Variants in RIMS2 observed in about 807,000 individuals in gnomAD.
RIMS2 encodes regulating synaptic membrane exocytosis 2, also known as regulating synaptic membrane exocytosis protein 2.
In RIMS2, 59 loss-of-function variants were observed where a neutral mutation model predicts 174.4. The ratio of observed to expected loss-of-function variants is 0.34; its 90% CI spans 0.27 to 0.42. The LOEUF is 0.42. RIMS2 is among the 10% of genes least tolerant of loss of function. RIMS2 has a pLI of 1.00. For synonymous variants in RIMS2, 606 were observed against 572.5 expected (o/e 1.06, Z -0.84); for missense variants, 1,620 against 1,666.3 (o/e 0.97, Z 0.48).
At chr8:103,885,036 G>T (rs2099191375) in intron 3 of RIMS2, among the ~76,000 whole-genome samples, 1 of 152,022 alleles carries the variant, frequency 6.6e-6, no homozygotes, top group Admixed American at 6.6e-5. Flanking sequence ...GTTTATAGCA[G>T]TGGAATATCA....
chr8:103,947,810 T>C (rs183595506), intron 14 of RIMS2, among the ~76,000 whole-genome samples: 47 of 152,290 alleles, frequency 3.1e-4, no homozygotes, highest in African/African-American at 1.0e-3. Flanking sequence ...TACTGTGACA[T>C]TGTGATGGCT....
intron 1 of RIMS2, among the ~76,000 whole-genome samples, chr8:103,628,264 A>T (rs1455950370): frequency 6.6e-6 from 1 of 152,154 alleles, no homozygotes; most frequent in African/African-American, 2.4e-5. Flanking sequence ...AAAGCAACTA[A>T]TAGAAGACCT....
chr8:104,254,266 G>A (rs1243352461), downstream of RIMS2: 1 of 151,678 alleles, frequency 6.6e-6, no homozygotes, highest in Non-Finnish European at 1.5e-5. Flanking sequence ...CTAGCACTAT[G>A]CCAGTGACCG....
At chr8:103,808,605 C>G (rs2098666172) in intron 3 of RIMS2, among the ~76,000 whole-genome samples, 1 of 152,070 alleles carries the variant, frequency 6.6e-6, no homozygotes, top group African/African-American at 2.4e-5. Context: ...CTTTCTTCTC[C>G]CTCAACCTGC....
chr8:103,545,775 T>C (rs1403395735), intron 1 of RIMS2, among the ~76,000 whole-genome samples: 1 of 147,830 alleles, frequency 6.8e-6, no homozygotes, highest in Non-Finnish European at 1.5e-5. Context: ...CCAGCCAAAC[T>C]AAGCTTCATA....
intron 1 of RIMS2, among the ~76,000 whole-genome samples, chr8:103,585,126 C>G (rs1439904627): frequency 6.6e-6 from 1 of 152,084 alleles, no homozygotes; most frequent in Non-Finnish European, 1.5e-5. Context: ...ATGCGGCCAA[C>G]AAACATATGA....
At chr8:103,710,904 G>C (rs1417092925) in intron 2 of RIMS2, among the ~76,000 whole-genome samples, 1 of 152,040 alleles carries the variant, frequency 6.6e-6, no homozygotes, top group Non-Finnish European at 1.5e-5. Context: ...TGCCAATTTG[G>C]GGGTTGTTTC....
intron 2 of RIMS2, among the ~76,000 whole-genome samples, chr8:103,756,825 G>T (rs2098018573): frequency 6.6e-6 from 1 of 152,086 alleles, no homozygotes; most frequent in Admixed American, 6.6e-5. Flanking sequence ...GCTTAATCAT[G>T]ATTTGATCCA....
At chr8:104,145,178 A>G (rs2098623887) in intron 19 of RIMS2, among the ~76,000 whole-genome samples, 2 of 152,118 alleles carry the variant, frequency 1.3e-5, no homozygotes, top group African/African-American at 4.8e-5. Context: ...ATTATAGCTA[A>G]ATCTGTACAC....
At chr8:103,586,539 G>T (rs902884987) in intron 1 of RIMS2, among the ~76,000 whole-genome samples, 1 of 152,074 alleles carries the variant, frequency 6.6e-6, no homozygotes, top group African/African-American at 2.4e-5. Flanking sequence ...TGAAAAATTT[G>T]TTGAAATAAA....
chr8:103,885,594 G>A (rs2099195702), exon 4 of RIMS2: 3 of 1,612,798 alleles, frequency 1.9e-6, no homozygotes, highest in African/African-American at 1.3e-5. Context: ...TACCAGTCAC[G>A]CTACCGAAGT....
intron 1 of RIMS2, among the ~76,000 whole-genome samples, chr8:103,536,584 A>G (rs1330773956): frequency 1.3e-5 from 2 of 152,176 alleles, no homozygotes; most frequent in East Asian, 1.9e-4. Flanking sequence ...CCTTTCAATC[A>G]TGGTGGAAGG....
At chr8:103,870,236 T>A (rs1461516454) in intron 3 of RIMS2, among the ~76,000 whole-genome samples, 1 of 151,834 alleles carries the variant, frequency 6.6e-6, no homozygotes, top group African/African-American at 2.4e-5. Context: ...TTTACACATC[T>A]GAAAAATGGG....
In RIMS2 at chr8:103,548,133, G is replaced by A. The variant is rs141369868; in HGVS notation, c.176+47071G>A. Reference sequence around the variant, plus strand: ...CTGAAACTATTCCAAAACAACTGAGGAGAAGGGACTCCTCCTTAACTCATT... The same window carrying A: ...CTGAAACTATTCCAAAACAACTGAGAAGAAGGGACTCCTCCTTAACTCATT... On this transcript the variant is annotated intron_variant, in intron 1 of 23. Coordinates refer to ENST00000504942, the Ensembl canonical transcript of RIMS2. Among the ~76,000 whole-genome samples, 935 of 152,178 alleles carry A rather than the reference G, an allele frequency of 6.1e-3. 12 individuals carry two copies. Among genetic ancestry groups the A allele is most frequent in the African/African-American group, 0.021 (885 of 41,532 alleles).
chr8:103,985,460 C>A (rs2094278229), intron 16 of RIMS2, among the ~76,000 whole-genome samples: 1 of 58,054 alleles, frequency 1.7e-5, no homozygotes, highest in Non-Finnish European at 3.1e-5. Flanking sequence ...GGCAACAAAG[C>A]AAGACTCTGT....
At chr8:103,740,811 A>G (rs946889513) in intron 2 of RIMS2, among the ~76,000 whole-genome samples, 2 of 152,170 alleles carry the variant, frequency 1.3e-5, no homozygotes, top group Non-Finnish European at 2.9e-5. Context: ...GATAACTTCA[A>G]TTAGCCTTAA....
chr8:103,937,754 A>G (rs987807567), intron 13 of RIMS2, among the ~76,000 whole-genome samples: 23 of 152,172 alleles, frequency 1.5e-4, no homozygotes, highest in Admixed American at 1.5e-3. Context: ...GGAAGGGAAT[A>G]TGGTAAGAAA....
At chr8:103,766,144 T>G (rs113404537) in intron 2 of RIMS2, 83 bp from the exon 6 acceptor site, 7 of 892,050 alleles carry the variant, frequency 7.8e-6, no homozygotes, top group Non-Finnish European at 1.2e-5. Context: ...CGTAATTTTT[T>G]GTTTGCTTGA....
At chr8:103,964,159 A>C (rs2154546104) in intron 15 of RIMS2, among the ~76,000 whole-genome samples, 1 of 152,298 alleles carries the variant, frequency 6.6e-6, no homozygotes, top group Admixed American at 6.5e-5. Flanking sequence ...TTGTGTGGAC[A>C]TGTTTTCAAC....
Sources: gnomAD v4.1 joint callset for allele counts (sites outside exome capture counted in the v4.1 genomes callset) on GRCh38, gnomAD v4.1.1 for gene constraint, MANE v1.5 for transcripts, NCBI Gene and HGNC (gene_info 2026-07-23, HGNC 2026-07-21) for gene names.